Variants in GNG7 observed in about 807,000 individuals in gnomAD.
GNG7 encodes G protein subunit gamma 7.
In GNG7, 1 loss-of-function variant was observed where a neutral mutation model predicts 4.0. That is an observed-to-expected ratio of 0.25 (90% CI 0.09 to 1.18). The LOEUF is 1.18. GNG7 is among the 50% of genes most tolerant of loss of function. The pLI, the probability that GNG7 is intolerant of heterozygous loss-of-function variation, is 0.50. For synonymous variants in GNG7, 34 were observed against 36.9 expected, an observed-to-expected ratio of 0.92 and a Z score of 0.29; for missense variants, 86 against 91.9, an observed-to-expected ratio of 0.94 and a Z score of 0.26.
intron 1 of GNG7, among the ~76,000 whole-genome samples, chr19:2,685,788 G>T (rs1193318592): frequency 1.3e-5 from 2 of 152,130 alleles, no homozygotes; most frequent in East Asian, 3.8e-4. Flanking sequence ...CTCCCGAGAC[G>T]AGGGCCTGGT....
intron 1 of GNG7, among the ~76,000 whole-genome samples, chr19:2,662,190 G>T (rs565329638): frequency 4.0e-4 from 60 of 151,442 alleles, no homozygotes; most frequent in Non-Finnish European, 6.9e-4. Flanking sequence ...AACCTGGGGG[G>T]CGGAGGCTGC....
At chr19:2,607,646 A>T (rs952417153) in intron 2 of GNG7, among the ~76,000 whole-genome samples, 1 of 151,920 alleles carries the variant, frequency 6.6e-6, no homozygotes, top group African/African-American at 2.4e-5. Flanking sequence ...CTACATTGTT[A>T]TGTATTTTAA....
At position 2,626,610 on chromosome 19, in the gene GNG7, A is replaced by G. The variant is rs891304455; in HGVS notation, c.-78+19614T>C. 5.3e-5 allele frequency among the ~76,000 whole-genome samples: 8 copies of G among 152,214 alleles called. No homozygotes were observed. Among genetic ancestry groups the G allele is most frequent in the Middle Eastern group, 3.4e-3 (1 of 294 alleles). On this transcript the variant is annotated intron_variant, in intron 2 of 4. Transcript: ENST00000382159. The surrounding 1 kb of genome is among the most constrained non-coding windows in gnomAD (Gnocchi z 5.0). ...CACTTCCTCCAGGAAGCCCTCCCTG[A>G]ATTCCCGAACAAAGCTCCTGGTGTG... is the stretch of plus-strand genomic sequence containing the variant.
chr19:2,566,475 G>A (rs925172880), intron 2 of GNG7, among the ~76,000 whole-genome samples: 2 of 152,092 alleles, frequency 1.3e-5, no homozygotes, highest in Non-Finnish European at 2.9e-5. Context: ...GACCTTGTAC[G>A]AGCACCCCAT....
intron 1 of GNG7, among the ~76,000 whole-genome samples, chr19:2,661,277 A>AGGAAGGAAGGAGGGAAG (rs1491425680): frequency 1.7e-5 from 1 of 60,482 alleles, no homozygotes; most frequent in Non-Finnish European, 3.1e-5. Flanking sequence ...AAGAAAAGAA[A>AGGAAGGAAGGAGGGAAG]GAAAGAAAGA....
chr19:2,661,257 G>GAAAGA (rs796353664), intron 1 of GNG7, among the ~76,000 whole-genome samples: 18 of 71,146 alleles, frequency 2.5e-4, no homozygotes, highest in African/African-American at 1.3e-4. Flanking sequence ...AAGAAAGAAA[G>GAAAGA]AAAGAAAGAA....
Position 2,546,129 on chromosome 19 carries a change from G to A in GNG7, c.-38+9020C>T, listed in dbSNP as rs968393912. Among the ~76,000 whole-genome samples, 1 of 152,192 alleles carries A rather than the reference G, an allele frequency of 6.6e-6. No individual in the cohort carries two copies. Among genetic ancestry groups the A allele is most frequent in the East Asian group, 1.9e-4 (1 of 5,196 alleles). ...CGGCCTGCCATGTTCTCACCAGGAC[G>A]CCAAAGAGGGGACCCACGCAGAGCC... On this transcript the variant is annotated intron_variant, in intron 3 of 4. Transcript: ENST00000382159. This position sits in a 1 kb window ranked among gnomAD's most constrained non-coding sequence, Gnocchi z 6.3.
At chr19:2,523,157 A>G (rs534399895) in intron 3 of GNG7, among the ~76,000 whole-genome samples, 4 of 151,642 alleles carry the variant, frequency 2.6e-5, no homozygotes, top group South Asian at 2.1e-4. Context: ...ATGAGCCACC[A>G]TGCCCGGCCC....
chr19:2,612,744 C>G (rs1396531414), intron 2 of GNG7, among the ~76,000 whole-genome samples: 1 of 143,088 alleles, frequency 7.0e-6, no homozygotes. Flanking sequence ...CTGTGTCGCC[C>G]AGGCAGCGGT....
chr19:2,524,671 A>T (rs1444067151), intron 3 of GNG7, among the ~76,000 whole-genome samples: 1 of 152,002 alleles, frequency 6.6e-6, no homozygotes, highest in Non-Finnish European at 1.5e-5. Context: ...TCTGCATATG[A>T]GTGTGTGCAT....
chr19:2,647,100 C>CG (rs1982686298), intron 1 of GNG7, among the ~76,000 whole-genome samples: 2 of 152,162 alleles, frequency 1.3e-5, no homozygotes, highest in East Asian at 3.9e-4. Context: ...TCGGGGGACT[C>CG]GGGGGGACCC....
At chr19:2,669,306 A>G (rs753045190) in intron 1 of GNG7, among the ~76,000 whole-genome samples, 5 of 152,172 alleles carry the variant, frequency 3.3e-5, no homozygotes, top group Admixed American at 6.5e-5. Context: ...CCTGACCAAC[A>G]TGGTGAAACC....
chr19:2,584,211 G>T (rs1177880211), intron 2 of GNG7, among the ~76,000 whole-genome samples: 1 of 151,518 alleles, frequency 6.6e-6, no homozygotes, highest in Admixed American at 6.6e-5. Context: ...GGGAGGCTGA[G>T]GTGGGAGGAT....
At chr19:2,675,312 G>A (rs537097144) in intron 1 of GNG7, among the ~76,000 whole-genome samples, 5 of 152,278 alleles carry the variant, frequency 3.3e-5, no homozygotes, top group Admixed American at 2.6e-4. Context: ...GCAAGTGCAC[G>A]GGCTCGGGAA....
chr19:2,673,000 T>G (rs930580112), intron 1 of GNG7, among the ~76,000 whole-genome samples: 3 of 150,770 alleles, frequency 2.0e-5, no homozygotes, highest in East Asian at 4.1e-4. Flanking sequence ...TTCATGCCTG[T>G]AATCCCAGCA....
chr19:2,655,574 C>T lies in GNG7; in HGVS notation c.-134-9294G>A, dbSNP rs1013374236. On this transcript the variant is annotated intron_variant, in intron 1 of 4. Transcript: ENST00000382159. ...AAAAATTAGGCCGGGTGCGGTGGCT[C>T]ATGCCTGTAATCTTAGCACTTTGGG... Among the ~76,000 whole-genome samples the T allele has an allele frequency of 8.6e-5, 13 of 151,902 alleles. 1 individual carries two copies. Among genetic ancestry groups the T allele is most frequent in the African/African-American group, 3.1e-4 (13 of 41,324 alleles).
chr19:2,675,792 G>A (rs1983580292), intron 1 of GNG7, among the ~76,000 whole-genome samples: 1 of 152,178 alleles, frequency 6.6e-6, no homozygotes, highest in Non-Finnish European at 1.5e-5. Flanking sequence ...GCACCCTGCA[G>A]TGCCCAGGAT....
At chr19:2,693,415 CAAA>C (rs146155053) in intron 1 of GNG7, among the ~76,000 whole-genome samples, 12 of 80,322 alleles carry the variant, frequency 1.5e-4, no homozygotes, top group Non-Finnish European at 1.7e-4. Context: ...GACTCTGCCT[CAAA>C]AAAAAAAAAA....
intron 2 of GNG7, among the ~76,000 whole-genome samples, chr19:2,560,627 C>T (rs1043442254): frequency 3.9e-5 from 6 of 152,078 alleles, no homozygotes; most frequent in Admixed American, 1.3e-4. Context: ...GATCCAGCCC[C>T]GATGTCCACA....
Sources: gnomAD v4.1 joint callset for allele counts (sites outside exome capture counted in the v4.1 genomes callset) on GRCh38, gnomAD v4.1.1 for gene constraint, Gnocchi (gnomAD v3.1) non-coding constraint, MANE v1.5 for transcripts, NCBI Gene and HGNC (gene_info 2026-07-23, HGNC 2026-07-21) for gene names.